ZC3H6: variants seen among roughly 807,000 people sequenced by gnomAD.
ZC3H6 encodes zinc finger CCCH domain-containing protein 6.
A neutral mutation model predicts 107.7 loss-of-function variants in ZC3H6; 40 were observed. The observed-to-expected ratio is 0.37, with a 90% CI of 0.29 to 0.48. The LOEUF is 0.48. Among genes scored for constraint, ZC3H6 ranks in the 20% least tolerant of loss-of-function variants. The probability of loss-of-function intolerance (pLI) is 0.98; values close to 1 mark genes in which losing one functional copy is unlikely to be tolerated. For missense variants in ZC3H6, 1,267 were observed against 1,410.4 expected, an observed-to-expected ratio of 0.90 and a Z score of 1.63; for synonymous variants, 493 against 487.9, an observed-to-expected ratio of 1.01 and a Z score of -0.14.
At chr2:112,283,688 G>A (rs1686562732) in intron 1 of ZC3H6, among the ~76,000 whole-genome samples, 1 of 152,162 alleles carries the variant, frequency 6.6e-6, no homozygotes, top group African/African-American at 2.4e-5. Context: ...CAAATAACTT[G>A]TCTAAGATGA....
intron 1 of ZC3H6, among the ~76,000 whole-genome samples, chr2:112,296,026 TTG>T (rs973903865): frequency 3.9e-5 from 6 of 152,134 alleles, no homozygotes; most frequent in Non-Finnish European, 7.4e-5. Context: ...TTTTTGTCAT[TTG>T]TGTTTTAAAT....
At chr2:112,278,496 T>C (rs553465685) in intron 1 of ZC3H6, among the ~76,000 whole-genome samples, 6 of 152,198 alleles carry the variant, frequency 3.9e-5, no homozygotes, top group Non-Finnish European at 7.4e-5. Context: ...TTTTTGTATT[T>C]TTAGTAGAGA....
chr2:112,316,271 C>T (rs1558954172), intron 5 of ZC3H6, among the ~76,000 whole-genome samples, 199 bp from the exon 6 acceptor site: 1 of 151,570 alleles, frequency 6.6e-6, no homozygotes, highest in African/African-American at 2.4e-5. Flanking sequence ...AAGAAATAGG[C>T]TTTTTTTTGC....
chr2:112,316,445 T>C, intron 5 of ZC3H6, 25 bp from the exon 6 acceptor site: 1 of 1,436,204 alleles, frequency 7.0e-7, no homozygotes, highest in South Asian at 1.2e-5. Context: ...ATATGCTGCA[T>C]TCAAATGGAA....
rs1676164538 is a variant in ZC3H6 at position 112,293,712 on chromosome 2, ATGTGC to A, written c.33-6135_33-6131del. 2.0e-5 allele frequency among the ~76,000 whole-genome samples: 3 copies of A among 152,336 alleles called. No individual in the cohort carries two copies. In the South Asian group the frequency reaches 6.2e-4, roughly 32 times the overall value. The stretch of plus-strand genomic sequence containing the variant: ...TAAGGATTAATCAAGAGAACTATAC[ATGTGC>A]TATTTAGGTTGAGGGAAAAGATCAG... On this transcript the variant is annotated intron_variant, in intron 1 of 11. Transcript: ENST00000409871.
Position 112,309,738 on chromosome 2 carries a change from A to G in ZC3H6, c.337-147A>G, listed in dbSNP as rs190386390. On this transcript the variant is annotated intron_variant, in intron 3 of 11. Transcript: ENST00000409871. ...TTTGAAGTTAGTGTTAAGTAGTATC[A>G]TAGATAAGTACTGATCAAGAGTCAG... is the stretch of plus-strand genomic sequence containing the variant. The G allele has an allele frequency of 8.8e-6, 6 of 685,264 alleles. No individual in the cohort carries two copies. The East Asian group carries it at 1.7e-4, about 19-fold the overall frequency. 42.4% of individuals were successfully genotyped at this position (685,264 alleles called of 1,614,324 possible).
At position 112,282,956 on chromosome 2, in the gene ZC3H6, T is replaced by C. The variant is rs559268664; in HGVS notation, c.32+6930T>C. On this transcript the variant is annotated intron_variant, in intron 1 of 11. Coordinates refer to ENST00000409871, the MANE Select transcript of ZC3H6 (RefSeq NM_198581.3). ...ATGATAGTGTTTTGTACCTTTCCTT[T>C]TTCACTGCTTCCATTGCTGACCAAA... is the stretch of plus-strand genomic sequence containing the variant. Among the ~76,000 whole-genome samples, 7 of 152,316 alleles carry C rather than the reference T, an allele frequency of 4.6e-5. No individual in the cohort carries two copies. The South Asian group carries it at 6.2e-4, about 14-fold the overall frequency.
At chr2:112,276,219 C>A (rs1490549863) in intron 1 of ZC3H6, among the ~76,000 whole-genome samples, 193 bp downstream of exon 1, 4 of 148,446 alleles carry the variant, frequency 2.7e-5, no homozygotes, top group Admixed American at 1.3e-4. Flanking sequence ...GCGCCCGCCT[C>A]CCCGAGCCGG....
chr2:112,324,183 C>G lies in ZC3H6; in HGVS notation c.1372C>G (p.Pro458Ala). 1.9e-6 allele frequency: 3 copies of G among 1,589,840 alleles called. No homozygotes were observed. Among genetic ancestry groups the G allele is most frequent in the Non-Finnish European group, 1.7e-6 (2 of 1,160,342 alleles). ...AGCATTTTATACCAGTGCCTCACCA[C>G]CAGGACCACAATTTCAGGGAAGCAG... ...PPAFYTSASP[P>A]GPQFQGSSPH... Residue 458 changes from proline to alanine, a missense_variant, in exon 10 of 12, where the codon CCA (proline) becomes GCA (alanine). Pro to Ala is a conservative substitution (Grantham distance 27). Transcript: ENST00000409871.
intron 1 of ZC3H6, among the ~76,000 whole-genome samples, chr2:112,295,190 T>C (rs1009007761): frequency 6.6e-6 from 1 of 152,108 alleles, no homozygotes; most frequent in Non-Finnish European, 1.5e-5. Context: ...TGAACAGTTA[T>C]TTACCAGTCA....
chr2:112,330,963 T>C (rs1487505786), intron 11 of ZC3H6, 42 bp from the exon 12 acceptor site: 2 of 936,400 alleles, frequency 2.1e-6, no homozygotes, highest in East Asian at 3.6e-5. Context: ...ATATTATAAG[T>C]TTATAATATA....
chr2:112,294,948 T>G (rs1316182813), intron 1 of ZC3H6, among the ~76,000 whole-genome samples: 1 of 152,204 alleles, frequency 6.6e-6, no homozygotes, highest in Admixed American at 6.5e-5. Flanking sequence ...TTTATTGAGA[T>G]ACATTTCACT....
chr2:112,287,741 A>G (rs1369224103), intron 1 of ZC3H6, among the ~76,000 whole-genome samples: 1 of 152,178 alleles, frequency 6.6e-6, no homozygotes, highest in Non-Finnish European at 1.5e-5. Context: ...AGCTGGGACT[A>G]CAGGCGCATG....
At position 112,324,567 on chromosome 2, in the gene ZC3H6, A is replaced by G. The variant is rs200793887; in HGVS notation, c.1756A>G (p.Thr586Ala). 1.2e-5 allele frequency: 19 copies of G among 1,611,968 alleles called. No individual in the cohort carries two copies. Among genetic ancestry groups the G allele is most frequent in the Admixed American group, 8.4e-5 (5 of 59,738 alleles). Reference sequence around the variant, plus strand: ...AAGTCCTGGTGAAATGCAGCTCAACACCAATTATGAGTCCCTGCAAAACCC... The same window carrying G: ...AAGTCCTGGTGAAATGCAGCTCAACGCCAATTATGAGTCCCTGCAAAACCC... ...QQSPGEMQLN[T>A]NYESLQNPAE... The change falls in exon 10 of 12, where the codon ACC becomes GCC. Residue 586 changes from threonine (T) to alanine (A), a missense_variant. By Grantham distance (58) the Thr-to-Ala change is moderately conservative. Coordinates refer to ENST00000409871, the MANE Select transcript of ZC3H6 (RefSeq NM_198581.3).
chr2:112,307,450 A>G (rs1334457265), intron 3 of ZC3H6, among the ~76,000 whole-genome samples: 2 of 152,120 alleles, frequency 1.3e-5, no homozygotes, highest in Non-Finnish European at 1.5e-5. Flanking sequence ...TGGCAAAGTG[A>G]TTACAAAAGC....
chr2:112,285,855 G>A (rs1423844645), intron 1 of ZC3H6, among the ~76,000 whole-genome samples: 12 of 152,054 alleles, frequency 7.9e-5, no homozygotes, highest in Admixed American at 7.9e-4. Flanking sequence ...CAGCTACTTG[G>A]GAGGCTGAGG....
intron 1 of ZC3H6, among the ~76,000 whole-genome samples, chr2:112,292,597 G>A (rs1236786609): frequency 6.6e-6 from 1 of 152,134 alleles, no homozygotes; most frequent in Non-Finnish European, 1.5e-5. Context: ...TAGCCAAATT[G>A]TCTTTTCTTT....
chr2:112,298,620 C>T (rs1303031938), intron 1 of ZC3H6, among the ~76,000 whole-genome samples: 2 of 151,668 alleles, frequency 1.3e-5, no homozygotes, highest in African/African-American at 2.4e-5. Context: ...CTTAAAAATG[C>T]TTATTGCCGA....
At chr2:112,304,232 C>T (rs906743699) in intron 3 of ZC3H6, among the ~76,000 whole-genome samples, 2 of 151,930 alleles carry the variant, frequency 1.3e-5, no homozygotes, top group South Asian at 2.1e-4. Flanking sequence ...CAATTTTATT[C>T]TTTCTGGTAT....
Sources: gnomAD v4.1 joint callset for allele counts (sites outside exome capture counted in the v4.1 genomes callset) on GRCh38, gnomAD v4.1.1 for gene constraint, MANE v1.5 for transcripts, NCBI Gene and HGNC (gene_info 2026-07-23, HGNC 2026-07-21) for gene names.